Variants in CNTNAP2 observed in about 807,000 individuals in gnomAD.
The protein encoded by CNTNAP2 is contactin associated protein 2.
In CNTNAP2, 98 loss-of-function variants were observed where a neutral mutation model predicts 155.2. That is an observed-to-expected ratio of 0.63 (90% CI 0.54 to 0.75). The LOEUF (loss-of-function observed/expected upper bound fraction) is 0.75, where lower values mean the gene tolerates loss of function less well. Among genes scored for constraint, CNTNAP2 ranks in the 30% least tolerant of loss-of-function variants. CNTNAP2 has a pLI of 0.00. For missense variants in CNTNAP2, 1,727 were observed against 1,688.1 expected (o/e 1.02, Z -0.40); for synonymous variants, 651 against 631.2 (o/e 1.03, Z -0.47).
chr7:148,147,364 A>G, intron 16 of CNTNAP2, 127 bp from the exon 17 acceptor site: 1 of 906,496 alleles, frequency 1.1e-6, no homozygotes, highest in Non-Finnish European at 1.8e-6. Context: ...TTTGCCATCG[A>G]CCTTTGTAGG....
chr7:147,814,509 T>G (rs1351365583), intron 13 of CNTNAP2, among the ~76,000 whole-genome samples: 3 of 152,238 alleles, frequency 2.0e-5, no homozygotes, highest in Non-Finnish European at 4.4e-5. Flanking sequence ...GATTACTCTC[T>G]CTGTGGAAAA....
chr7:147,270,960 GC>G (rs913725030), intron 8 of CNTNAP2, among the ~76,000 whole-genome samples: 11 of 152,072 alleles, frequency 7.2e-5, no homozygotes, highest in African/African-American at 2.4e-4. Context: ...CCCCTAGGAA[GC>G]CCCCACCAGA....
intron 13 of CNTNAP2, among the ~76,000 whole-genome samples, chr7:147,732,685 T>C (rs200745636): frequency 6.6e-6 from 1 of 152,152 alleles, no homozygotes; most frequent in Non-Finnish European, 1.5e-5. Flanking sequence ...TCTCCACATC[T>C]TCTCCAGCAC....
rs1369481939 is a variant in CNTNAP2 at position 146,301,093 on chromosome 7, G to A, written c.97+184120G>A. 3.3e-5 allele frequency among the ~76,000 whole-genome samples: 5 copies of A among 152,046 alleles called. 1 individual carries two copies. Among genetic ancestry groups the A allele is most frequent in the African/African-American group, 4.8e-5 (2 of 41,414 alleles). On this transcript the variant is annotated intron_variant, in intron 1 of 23. Transcript: ENST00000361727. ...TACTTCAGTGGAGGGATTTCCTTAA[G>A]AGACCAGCAGACCCAACATTCCAGG...
intron 1 of CNTNAP2, among the ~76,000 whole-genome samples, chr7:146,278,330 C>T (rs1800196743): frequency 6.6e-6 from 1 of 152,114 alleles, no homozygotes; most frequent in Non-Finnish European, 1.5e-5. Flanking sequence ...TATAGGGAAA[C>T]AAAGGTCTCT....
intron 13 of CNTNAP2, among the ~76,000 whole-genome samples, chr7:147,659,171 C>G (rs1795576386): frequency 6.6e-6 from 1 of 152,110 alleles, no homozygotes; most frequent in African/African-American, 2.4e-5. Flanking sequence ...AAGATGTGGC[C>G]TCTATAAAAC....
At position 147,348,315 on chromosome 7, in the gene CNTNAP2, A is replaced by T. The variant is rs1355853412; in HGVS notation, c.1499-47294A>T. ...ACTAAAGCATCTCAACAACAAAAAT[A>T]TATTTTAAAATGGGCAAATGATCTG... On this transcript the variant is annotated intron_variant, in intron 9 of 23. Transcript: ENST00000361727. Among the ~76,000 whole-genome samples, 3 of 152,052 alleles carry T rather than the reference A, an allele frequency of 2.0e-5. No homozygotes were observed. In the East Asian group the frequency reaches 5.8e-4, roughly 29 times the overall value.
chr7:148,305,830 G>T (rs560982797), intron 21 of CNTNAP2, among the ~76,000 whole-genome samples: 2 of 151,968 alleles, frequency 1.3e-5, no homozygotes, highest in Admixed American at 6.6e-5. Context: ...TGAGATTTGC[G>T]GGGGGGACAC....
At chr7:148,185,545 G>A (rs779436729) in intron 18 of CNTNAP2, among the ~76,000 whole-genome samples, 2 of 152,206 alleles carry the variant, frequency 1.3e-5, no homozygotes, top group Non-Finnish European at 2.9e-5. Flanking sequence ...TACCAAGGAT[G>A]ATAACTCCTG....
At chr7:147,159,782 A>G (rs937147936) in intron 8 of CNTNAP2, among the ~76,000 whole-genome samples, 3 of 152,134 alleles carry the variant, frequency 2.0e-5, no homozygotes, top group Non-Finnish European at 4.4e-5. Flanking sequence ...ATCTAACCCT[A>G]TGGTCACGCC....
chr7:147,899,989 C>T (rs1162814338), intron 13 of CNTNAP2, among the ~76,000 whole-genome samples: 1 of 152,150 alleles, frequency 6.6e-6, no homozygotes, highest in Admixed American at 6.6e-5. Flanking sequence ...CACGTCTAGG[C>T]TTTTCTTCCC....
At position 146,839,933 on chromosome 7, in the gene CNTNAP2, CAG is replaced by C. The variant is rs1803688282; in HGVS notation, c.402+31_402+32del. ...AGTCATTGGCAGGAAAGCAAAGACA[CAG>C]AATTGGATTGGAAATATTAGAAAAT... On this transcript the variant is annotated intron_variant, in intron 3 of 23. Transcript: ENST00000361727. The C allele has an allele frequency of 1.9e-6, 3 of 1,610,096 alleles. No individual in the cohort carries two copies. The South Asian group carries it at 3.3e-5, about 18-fold the overall frequency.
intron 3 of CNTNAP2, among the ~76,000 whole-genome samples, chr7:147,031,745 T>A (rs893053334): frequency 2.6e-5 from 4 of 152,090 alleles, no homozygotes; most frequent in African/African-American, 7.2e-5. Context: ...TGGTGAAACC[T>A]CATCTCTACT....
chr7:147,044,632 C>T lies in CNTNAP2; in HGVS notation c.550+578C>T, dbSNP rs558293970. 3.3e-5 allele frequency among the ~76,000 whole-genome samples: 5 copies of T among 152,194 alleles called. No homozygotes were observed. In the South Asian group the frequency reaches 1.0e-3, roughly 32 times the overall value. The stretch of plus-strand genomic sequence containing the variant: ...TCCCTTAAATATATTTTAAAGCTCC[C>T]TTGTTATTTCTTAAATACATTATGC... On this transcript the variant is annotated intron_variant, in intron 4 of 23. Transcript: ENST00000361727.
intron 9 of CNTNAP2, among the ~76,000 whole-genome samples, chr7:147,307,249 G>T (rs1795047053): frequency 6.6e-6 from 1 of 152,152 alleles, no homozygotes; most frequent in African/African-American, 2.4e-5. Context: ...ACATATAAAT[G>T]CTGGGCAAGT....
intron 10 of CNTNAP2, among the ~76,000 whole-genome samples, chr7:147,446,281 AT>A (rs1797738697): frequency 6.6e-6 from 1 of 150,926 alleles, no homozygotes; most frequent in Admixed American, 6.6e-5. Context: ...CCTTCCTAAC[AT>A]CCTTTTTAAT....
intron 4 of CNTNAP2, chr7:147,097,605 C>T (rs997694358): frequency 6.6e-6 from 1 of 152,128 alleles, no homozygotes; most frequent in African/African-American, 2.4e-5. Context: ...GGAAACGGTC[C>T]CTATGATTCA....
At chr7:147,736,120 T>A (rs548159735) in intron 13 of CNTNAP2, among the ~76,000 whole-genome samples, 1 of 151,658 alleles carries the variant, frequency 6.6e-6, no homozygotes, top group African/African-American at 2.4e-5. Context: ...CTAGCCTTGA[T>A]GGTCTTTACA....
chr7:148,221,889 A>T (rs1360223827), intron 19 of CNTNAP2, among the ~76,000 whole-genome samples: 1 of 151,980 alleles, frequency 6.6e-6, no homozygotes. Flanking sequence ...CCCCACCACT[A>T]CTCTCTGAGG....
Sources: allele counts gnomAD v4.1 joint callset (sites outside exome capture counted in the v4.1 genomes callset), GRCh38; gene constraint gnomAD v4.1.1; transcripts MANE v1.5; gene names NCBI Gene and HGNC (gene_info 2026-07-23, HGNC 2026-07-21).